The following CAST variants were observed in gnomAD, a reference collection of about 807,000 sequenced individuals.
CAST encodes calpastatin, also known as MIR583 host.
Under a neutral mutation model 119.6 loss-of-function variants are expected in CAST, and 76 were observed. That is an observed-to-expected ratio of 0.64 (90% CI 0.53 to 0.77). The LOEUF is 0.77. CAST is among the 30% of genes least tolerant of loss of function. The probability of loss-of-function intolerance (pLI) is 0.00; values close to 1 mark genes in which losing one functional copy is unlikely to be tolerated. For missense variants in CAST, 953 were observed against 946.5 expected, an observed-to-expected ratio of 1.01 and a Z score of -0.09; for synonymous variants, 319 against 331.6, an observed-to-expected ratio of 0.96 and a Z score of 0.41.
At chr5:96,757,355 C>A (rs934877627) in intron 22 of CAST, 89 bp from the exon 23 acceptor site, 1 of 1,158,538 alleles carries the variant, frequency 8.6e-7, no homozygotes, top group Non-Finnish European at 1.3e-6. Flanking sequence ...GCAAGTATAA[C>A]CTGTAGACCC....
the CAST span, among the ~76,000 whole-genome samples, chr5:96,283,894 C>T: frequency 6.6e-6 from 1 of 152,180 alleles, no homozygotes; most frequent in Non-Finnish European, 1.5e-5. Context: ...TTTTTATGGT[C>T]TGCTCAGCAT....
chr5:96,055,097 C>A, the CAST span, among the ~76,000 whole-genome samples: 1 of 152,056 alleles, frequency 6.6e-6, no homozygotes, highest in African/African-American at 2.4e-5. Context: ...TCTCCTTAGC[C>A]TCTAAACCCA....
the CAST span, among the ~76,000 whole-genome samples, chr5:95,971,062 A>G: frequency 6.6e-6 from 1 of 152,198 alleles, no homozygotes; most frequent in African/African-American, 2.4e-5. Context: ...TGGAGTCAAC[A>G]GATTGTATTA....
chr5:96,469,640 G>C, the CAST span, among the ~76,000 whole-genome samples: 2 of 151,836 alleles, frequency 1.3e-5, no homozygotes, highest in East Asian at 3.9e-4. Flanking sequence ...CATTGAAAGA[G>C]AACTGTCAAA....
the CAST span, among the ~76,000 whole-genome samples, chr5:96,460,209 T>C: frequency 1.3e-5 from 2 of 152,064 alleles, no homozygotes; most frequent in Non-Finnish European, 2.9e-5. Context: ...AGGGTTTTCA[T>C]GACATAACCC....
chr5:96,621,582 AACTC>A (rs745961902), intron 1 of CAST, among the ~76,000 whole-genome samples: 8 of 152,150 alleles, frequency 5.3e-5, no homozygotes, highest in Non-Finnish European at 8.8e-5. Flanking sequence ...ATTTTATGAG[AACTC>A]ACTCAGTATC....
chr5:96,355,816 C>A, the CAST span, among the ~76,000 whole-genome samples: 2 of 152,124 alleles, frequency 1.3e-5, no homozygotes, highest in African/African-American at 4.8e-5. Flanking sequence ...ATTCTCCTGA[C>A]CCAGCCTCCC....
the CAST span, among the ~76,000 whole-genome samples, chr5:96,402,489 G>T: frequency 6.8e-4 from 103 of 152,206 alleles, no homozygotes; most frequent in African/African-American, 2.4e-3. Context: ...CTCAGACTCA[G>T]TGCCTGGTGC....
chr5:96,261,428 C>A, the CAST span, among the ~76,000 whole-genome samples: 3 of 152,164 alleles, frequency 2.0e-5, no homozygotes, highest in Non-Finnish European at 4.4e-5. Flanking sequence ...GCTATTACCC[C>A]CCCATCCAGG....
At chr5:95,985,214 G>A in the CAST span, among the ~76,000 whole-genome samples, 1 of 152,128 alleles carries the variant, frequency 6.6e-6, no homozygotes, top group Non-Finnish European at 1.5e-5. Context: ...TTTAGGAGAC[G>A]GAGGCAGGAG....
the CAST span, among the ~76,000 whole-genome samples, chr5:96,163,818 C>T: frequency 3.9e-5 from 6 of 152,310 alleles, no homozygotes; most frequent in Non-Finnish European, 7.3e-5. Flanking sequence ...CTGCCTACCC[C>T]ATAAAACTGT....
intron 8 of CAST, among the ~76,000 whole-genome samples, chr5:96,729,961 TCTC>T (rs1760111168): frequency 1.3e-5 from 2 of 152,182 alleles, no homozygotes; most frequent in African/African-American, 2.4e-5. Flanking sequence ...TGTCCGTCCT[TCTC>T]CTACTGCCCA....
the CAST span, among the ~76,000 whole-genome samples, chr5:95,995,138 G>A: frequency 3.9e-5 from 6 of 152,162 alleles, no homozygotes; most frequent in Middle Eastern, 0.014. Context: ...AAGCACAAAG[G>A]AGGCATGGCT....
chr5:96,189,792 A>G, the CAST span, among the ~76,000 whole-genome samples: 1 of 152,116 alleles, frequency 6.6e-6, no homozygotes, highest in African/African-American at 2.4e-5. Context: ...ATTGTTCTCT[A>G]TCACATTTTT....
At chr5:96,218,038 G>A in the CAST span, among the ~76,000 whole-genome samples, 5 of 152,224 alleles carry the variant, frequency 3.3e-5, no homozygotes, top group South Asian at 1.0e-3. Flanking sequence ...AAGTTCTGGG[G>A]GGTGGCCTCT....
chr5:96,317,509 G>A, the CAST span, among the ~76,000 whole-genome samples: 3 of 147,110 alleles, frequency 2.0e-5, no homozygotes, highest in Non-Finnish European at 4.5e-5. Context: ...AAAGAATGGT[G>A]TCATCCTATT....
the CAST span, among the ~76,000 whole-genome samples, chr5:96,072,849 C>T: frequency 1.3e-5 from 2 of 152,212 alleles, no homozygotes; most frequent in East Asian, 3.9e-4. Flanking sequence ...CATATAATTT[C>T]AAGAGGTTCA....
chr5:96,617,555 C>G (rs915262054), intron 1 of CAST, among the ~76,000 whole-genome samples: 1 of 151,722 alleles, frequency 6.6e-6, no homozygotes, highest in East Asian at 1.9e-4. Flanking sequence ...TTTGGGAGGC[C>G]AAGGCGGGCG....
At chr5:96,393,401 C>G in the CAST span, 1 of 1,612,932 alleles carries the variant, frequency 6.2e-7, no homozygotes, top group South Asian at 1.1e-5. Flanking sequence ...ATGCCATCCA[C>G]AAAGGGAAGA....
Sources: gnomAD v4.1 joint callset for allele counts (sites outside exome capture counted in the v4.1 genomes callset) on GRCh38, gnomAD v4.1.1 for gene constraint, MANE v1.5 for transcripts, NCBI Gene and HGNC (gene_info 2026-07-23, HGNC 2026-07-21) for gene names.